DPP10: variants seen among roughly 807,000 people sequenced by gnomAD.
The protein encoded by DPP10 is dipeptidyl peptidase like 10.
A neutral mutation model predicts 120.9 loss-of-function variants in DPP10; 33 were observed. That is an observed-to-expected ratio of 0.27 (90% confidence interval 0.21 to 0.37). The LOEUF (loss-of-function observed/expected upper bound fraction) is 0.37. Ranked by LOEUF, DPP10 falls within the 10% of genes least tolerant of loss-of-function variation. The pLI is 1.00. For missense variants in DPP10, 816 were observed against 942.8 expected (o/e 0.87, Z 1.76); for synonymous variants, 337 against 326.1 (o/e 1.03, Z -0.36).
intron 1 of DPP10, among the ~76,000 whole-genome samples, chr2:114,806,561 A>G (rs187182992): frequency 4.6e-5 from 7 of 152,204 alleles, no homozygotes; most frequent in Non-Finnish European, 1.0e-4. Context: ...GATATGTGTC[A>G]ATGTGAGTCA....
chr2:115,835,702 G>A (rs1360102130), intron 21 of DPP10, among the ~76,000 whole-genome samples: 1 of 151,990 alleles, frequency 6.6e-6, no homozygotes, highest in African/African-American at 2.4e-5. Flanking sequence ...TAAATTTTTG[G>A]TGAGATATTT....
intron 19 of DPP10, among the ~76,000 whole-genome samples, chr2:115,792,546 G>C (rs1046428568): frequency 6.6e-6 from 1 of 151,656 alleles, no homozygotes; most frequent in African/African-American, 2.4e-5. Context: ...TTTCTCCCTT[G>C]TCCCTAAAAG....
intron 1 of DPP10, among the ~76,000 whole-genome samples, chr2:115,156,625 C>A (rs1345495045): frequency 6.6e-6 from 1 of 152,168 alleles, no homozygotes; most frequent in South Asian, 2.1e-4. Context: ...TGAGTAACCA[C>A]TATGAAGTCT....
At chr2:115,562,297 A>G (rs556984531) in intron 5 of DPP10, among the ~76,000 whole-genome samples, 1 of 152,104 alleles carries the variant, frequency 6.6e-6, no homozygotes, top group Non-Finnish European at 1.5e-5. Context: ...CCTCTATTCT[A>G]GTCACCTTCC....
At chr2:115,485,547 C>A (rs2075723459) in intron 3 of DPP10, among the ~76,000 whole-genome samples, 1 of 151,406 alleles carries the variant, frequency 6.6e-6, no homozygotes, top group Admixed American at 6.6e-5. Context: ...GCAATACTAC[C>A]AATTTATTCA....
chr2:115,358,312 A>C (rs1193280437), intron 3 of DPP10, among the ~76,000 whole-genome samples: 1 of 152,178 alleles, frequency 6.6e-6, no homozygotes, highest in Non-Finnish European at 1.5e-5. Context: ...TCTCTAGGGC[A>C]GGGGCAAAAT....
intron 1 of DPP10, among the ~76,000 whole-genome samples, chr2:114,500,048 G>T (rs74676076): frequency 6.6e-6 from 1 of 152,178 alleles, no homozygotes; most frequent in African/African-American, 2.4e-5. Flanking sequence ...GAGAATATTA[G>T]GGTTCCCTCT....
At chr2:115,408,625 T>C (rs1489722444) in intron 3 of DPP10, among the ~76,000 whole-genome samples, 2 of 152,210 alleles carry the variant, frequency 1.3e-5, no homozygotes, top group African/African-American at 4.8e-5. Context: ...AAGTATATTC[T>C]CTGATCCCAA....
At chr2:115,189,202 C>T (rs1282808269) in intron 1 of DPP10, among the ~76,000 whole-genome samples, 1 of 152,226 alleles carries the variant, frequency 6.6e-6, no homozygotes, top group Non-Finnish European at 1.5e-5. Context: ...TCTTATTCTA[C>T]TGCTGTGTCA....
Position 115,836,722 on chromosome 2 carries a change from T to C in DPP10, c.2158T>C (p.Leu720=). The change falls in exon 24 of 26, where the codon TTA becomes CTA. Residue 720 remains leucine, a synonymous_variant. Coordinates refer to ENST00000410059, the MANE Select transcript of DPP10 (RefSeq NM_020868.6). The part of the protein sequence containing the change: ...NVHGLKEENI[L]IIHGTADTKV... Reference sequence around the variant, plus strand: ...TCATGGCTTGAAAGAAGAAAATATATTAATAATTCATGGAACTGCTGACAG... The same window carrying C: ...TCATGGCTTGAAAGAAGAAAATATACTAATAATTCATGGAACTGCTGACAG... 1 of 1,613,214 alleles carries C rather than the reference T, an allele frequency of 6.2e-7. No homozygotes were observed. Among genetic ancestry groups the C allele is most frequent in the Non-Finnish European group, 8.5e-7 (1 of 1,179,652 alleles).
At chr2:114,728,773 C>T (rs1676602031) in intron 1 of DPP10, among the ~76,000 whole-genome samples, 1 of 152,210 alleles carries the variant, frequency 6.6e-6, no homozygotes, top group Non-Finnish European at 1.5e-5. Flanking sequence ...TACAGTGTCT[C>T]ATTCCGTATA....
chr2:115,454,465 C>G (rs1416077803), intron 3 of DPP10, among the ~76,000 whole-genome samples: 1 of 151,254 alleles, frequency 6.6e-6, no homozygotes, highest in African/African-American at 2.4e-5. Context: ...ATTATATTAA[C>G]AGAATAAAGT....
intron 1 of DPP10, among the ~76,000 whole-genome samples, chr2:115,099,797 T>C (rs2048589883): frequency 6.6e-6 from 1 of 152,182 alleles, no homozygotes; most frequent in Admixed American, 6.5e-5. Flanking sequence ...TTTACAAGGA[T>C]CTTCTTTTGC....
chr2:114,728,801 T>C (rs1339817647), intron 1 of DPP10, among the ~76,000 whole-genome samples: 1 of 152,238 alleles, frequency 6.6e-6, no homozygotes, highest in Non-Finnish European at 1.5e-5. Flanking sequence ...TATATAAAAT[T>C]ACACGTATGG....
At chr2:115,810,757 A>G (rs1277531025) in intron 19 of DPP10, among the ~76,000 whole-genome samples, 1 of 152,090 alleles carries the variant, frequency 6.6e-6, no homozygotes, top group Non-Finnish European at 1.5e-5. Context: ...GTATGTCCCC[A>G]CTCTCAACCT....
chr2:115,540,037 G>A (rs781220148), intron 5 of DPP10, among the ~76,000 whole-genome samples: 12 of 151,772 alleles, frequency 7.9e-5, no homozygotes, highest in Non-Finnish European at 1.5e-4. Context: ...GTATAGTGTG[G>A]GGGTCTCTAA....
At position 114,684,038 on chromosome 2, in the gene DPP10, G is replaced by A. The variant is rs140196981; in HGVS notation, c.60+241200G>A. 4.6e-3 allele frequency among the ~76,000 whole-genome samples: 705 copies of A among 152,078 alleles called. 3 individuals are homozygous for A. Among genetic ancestry groups the A allele is most frequent in the South Asian group, 8.9e-3 (43 of 4,822 alleles). On this transcript the variant is annotated intron_variant, in intron 1 of 25. Coordinates refer to ENST00000410059, the MANE Select transcript of DPP10 (RefSeq NM_020868.6). ...GATAATACACTCAAAGATTCTCACT[G>A]CCTCAGGCACTTTCTGACCACCCTG...
chr2:115,025,482 T>G (rs894821646), intron 1 of DPP10, among the ~76,000 whole-genome samples: 24 of 152,182 alleles, frequency 1.6e-4, no homozygotes, highest in African/African-American at 5.8e-4. Flanking sequence ...GGTATCTCTT[T>G]GATAGATTGA....
chr2:114,910,983 C>A (rs1336976563), intron 1 of DPP10, among the ~76,000 whole-genome samples: 1 of 152,036 alleles, frequency 6.6e-6, no homozygotes, highest in South Asian at 2.1e-4. Flanking sequence ...CCCACTATAT[C>A]TAAACACTTT....
Sources: allele counts gnomAD v4.1 joint callset (sites outside exome capture counted in the v4.1 genomes callset), GRCh38; gene constraint gnomAD v4.1.1; transcripts MANE v1.5; gene names NCBI Gene and HGNC (gene_info 2026-07-23, HGNC 2026-07-21).